BRD10: variants seen among roughly 807,000 people sequenced by gnomAD.
The protein encoded by BRD10 is uncharacterized bromodomain-containing protein 10.
chr9:5,890,011 C>T, the BRD10 span, among the ~76,000 whole-genome samples: 1 of 152,104 alleles, frequency 6.6e-6, no homozygotes, highest in Non-Finnish European at 1.5e-5. Flanking sequence ...GAGGAGGTTT[C>T]AGGGATTTTT....
the BRD10 span, among the ~76,000 whole-genome samples, chr9:5,957,272 T>C: frequency 1.3e-5 from 2 of 152,284 alleles, no homozygotes; most frequent in East Asian, 1.9e-4. Flanking sequence ...AACTCACTCA[T>C]GTGTCACACA....
At chr9:5,909,982 G>A in the BRD10 span, 2 of 152,162 alleles carry the variant, frequency 1.3e-5, no homozygotes, top group Non-Finnish European at 2.9e-5. Flanking sequence ...TGGAAAACCA[G>A]TATCATTTTC....
the BRD10 span, among the ~76,000 whole-genome samples, chr9:5,918,608 T>C: frequency 6.7e-6 from 1 of 149,966 alleles, no homozygotes; most frequent in Non-Finnish European, 1.5e-5. Flanking sequence ...ATTAGGTTAG[T>C]GAGAAAGTAA....
chr9:5,901,619 G>A, the BRD10 span, among the ~76,000 whole-genome samples: 1 of 151,980 alleles, frequency 6.6e-6, no homozygotes, highest in Non-Finnish European at 1.5e-5. Flanking sequence ...CCCAGGCTCA[G>A]GTGATCCTCC....
At chr9:5,929,703 TAA>T in the BRD10 span, among the ~76,000 whole-genome samples, 1 of 152,172 alleles carries the variant, frequency 6.6e-6, no homozygotes, top group African/African-American at 2.4e-5. Flanking sequence ...TACTAAGAGT[TAA>T]TAATTACTGA....
At chr9:5,995,389 T>A in the BRD10 span, among the ~76,000 whole-genome samples, 1 of 152,234 alleles carries the variant, frequency 6.6e-6, no homozygotes, top group Non-Finnish European at 1.5e-5. Flanking sequence ...CCTCCAATCC[T>A]CTAATGAAAA....
the BRD10 span, among the ~76,000 whole-genome samples, chr9:5,892,234 AT>A: frequency 6.6e-6 from 1 of 152,138 alleles, no homozygotes; most frequent in Non-Finnish European, 1.5e-5. Flanking sequence ...TTTGAACTTA[AT>A]TTTCAGTTAG....
At chr9:5,943,841 C>T in the BRD10 span, among the ~76,000 whole-genome samples, 5 of 152,096 alleles carry the variant, frequency 3.3e-5, no homozygotes, top group Non-Finnish European at 7.4e-5. Flanking sequence ...TACCATGATA[C>T]TCTCAGGGTT....
the BRD10 span, among the ~76,000 whole-genome samples, chr9:5,986,748 G>T: frequency 6.6e-6 from 1 of 152,106 alleles, no homozygotes; most frequent in Non-Finnish European, 1.5e-5. Flanking sequence ...TTAACAGAGG[G>T]TTTTCCTCCC....
chr9:5,920,702 G>A, the BRD10 span: 37 of 1,613,798 alleles, frequency 2.3e-5, no homozygotes, highest in East Asian at 8.9e-5. Flanking sequence ...TACTGCTGCC[G>A]AATGTGGAAC....
At chr9:5,983,939 C>T in the BRD10 span, among the ~76,000 whole-genome samples, 2 of 144,436 alleles carry the variant, frequency 1.4e-5, no homozygotes, top group Non-Finnish European at 3.0e-5. Flanking sequence ...CCTGTCAATA[C>T]AGAGTCATAT....
At chr9:5,929,649 A>G in the BRD10 span, among the ~76,000 whole-genome samples, 1 of 152,184 alleles carries the variant, frequency 6.6e-6, no homozygotes, top group Non-Finnish European at 1.5e-5. Context: ...TTTCTAGCCC[A>G]GAAAAGCAAC....
the BRD10 span, among the ~76,000 whole-genome samples, chr9:5,904,127 G>C: frequency 1.3e-5 from 2 of 152,140 alleles, no homozygotes; most frequent in Non-Finnish European, 2.9e-5. Context: ...CAAAGTGCTT[G>C]GGATTACAGG....
the BRD10 span, among the ~76,000 whole-genome samples, chr9:6,006,469 A>G: frequency 6.6e-6 from 1 of 152,224 alleles, no homozygotes; most frequent in Non-Finnish European, 1.5e-5. Flanking sequence ...AAAACAATAC[A>G]TTCATTTTAG....
At chr9:5,918,228 G>C in the BRD10 span, among the ~76,000 whole-genome samples, 6 of 152,084 alleles carry the variant, frequency 3.9e-5, no homozygotes, top group African/African-American at 1.2e-4. Context: ...TCTCCACTTT[G>C]ATAACAAATA....
the BRD10 span, among the ~76,000 whole-genome samples, chr9:5,971,742 G>A: frequency 6.6e-6 from 1 of 151,940 alleles, no homozygotes; most frequent in African/African-American, 2.4e-5. Flanking sequence ...ATTTTTTACT[G>A]AATGAGGATG....
At chr9:6,007,999 G>T in the BRD10 span, 4 of 1,265,716 alleles carry the variant, frequency 3.2e-6, no homozygotes, top group Non-Finnish European at 4.0e-6. Context: ...CGAGGAGGGG[G>T]GAGAGAAGAG....
the BRD10 span, chr9:5,906,931 G>T: frequency 6.3e-7 from 1 of 1,596,180 alleles, no homozygotes; most frequent in Non-Finnish European, 8.5e-7. Context: ...ACAAGAAGAT[G>T]CCCACAAGAA....
At chr9:5,926,580 A>G in the BRD10 span, among the ~76,000 whole-genome samples, 36 of 152,136 alleles carry the variant, frequency 2.4e-4, no homozygotes, top group African/African-American at 8.2e-4. Context: ...TGCCCAGGCC[A>G]GAGTGCAGTG....
Sources: allele counts gnomAD v4.1 joint callset (sites outside exome capture counted in the v4.1 genomes callset), GRCh38; gene constraint gnomAD v4.1.1; transcripts MANE v1.5; gene names NCBI Gene and HGNC (gene_info 2026-07-23, HGNC 2026-07-21).